Variants in CDH12 observed in about 807,000 individuals in gnomAD.
The protein encoded by CDH12 is cadherin-12.
Under a neutral mutation model 74.1 loss-of-function variants are expected in CDH12, and 41 were observed. The ratio of observed to expected loss-of-function variants is 0.55; its 90% CI spans 0.43 to 0.72. The LOEUF is 0.72. Ranked by LOEUF, CDH12 falls within the 30% of genes least tolerant of loss-of-function variation. The pLI, the probability that CDH12 is intolerant of heterozygous loss-of-function variation, is 0.00. For missense variants in CDH12, 945 were observed against 977.2 expected (o/e 0.97, Z 0.44); for synonymous variants, 399 against 355.0 (o/e 1.12, Z -1.39).
chr5:22,417,072 A>G (rs1037256147), intron 2 of CDH12, among the ~76,000 whole-genome samples: 1 of 152,150 alleles, frequency 6.6e-6, no homozygotes, highest in Admixed American at 6.5e-5. Flanking sequence ...TGATTCTTTT[A>G]TCTCTCTTAT....
intron 3 of CDH12, among the ~76,000 whole-genome samples, chr5:22,282,229 T>C (rs1580478253): frequency 6.6e-6 from 1 of 152,076 alleles, no homozygotes; most frequent in Admixed American, 6.6e-5. Flanking sequence ...TTAAACCTTA[T>C]AAAAATATTA....
chr5:22,053,093 C>A (rs1392413905), intron 5 of CDH12, among the ~76,000 whole-genome samples: 1 of 147,880 alleles, frequency 6.8e-6, no homozygotes, highest in Non-Finnish European at 1.5e-5. Flanking sequence ...TTAAATCATT[C>A]CAGATAAATG....
At chr5:22,111,962 G>A (rs1240873908) in intron 4 of CDH12, among the ~76,000 whole-genome samples, 1 of 151,920 alleles carries the variant, frequency 6.6e-6, no homozygotes, top group Non-Finnish European at 1.5e-5. Context: ...TAAAAATAAT[G>A]TAATATTACT....
intron 1 of CDH12, among the ~76,000 whole-genome samples, chr5:22,784,410 C>T (rs1390041071): frequency 6.6e-6 from 1 of 152,086 alleles, no homozygotes; most frequent in African/African-American, 2.4e-5. Context: ...TTTCACCTTC[C>T]CCTTAACTTT....
At chr5:22,429,365 C>T (rs944183535) in intron 2 of CDH12, among the ~76,000 whole-genome samples, 2 of 151,896 alleles carry the variant, frequency 1.3e-5, no homozygotes, top group Non-Finnish European at 2.9e-5. Flanking sequence ...TCTTGAATTC[C>T]TGGATTCAGG....
chr5:22,583,769 T>A (rs1488790810), intron 1 of CDH12, among the ~76,000 whole-genome samples: 2 of 152,174 alleles, frequency 1.3e-5, no homozygotes, highest in Non-Finnish European at 2.9e-5. Context: ...TTCCTAAAAC[T>A]TTTCACAGGC....
intron 3 of CDH12, among the ~76,000 whole-genome samples, chr5:22,393,869 G>A (rs1009056078): frequency 1.1e-4 from 17 of 152,138 alleles, no homozygotes; most frequent in African/African-American, 3.9e-4. Context: ...AAACTTGGCT[G>A]AATTGTGTTT....
intron 1 of CDH12, among the ~76,000 whole-genome samples, chr5:22,533,798 TTTAAAA>T (rs1209264117): frequency 6.6e-6 from 1 of 152,170 alleles, no homozygotes; most frequent in Non-Finnish European, 1.5e-5. Flanking sequence ...AAATGAAAGC[TTTAAAA>T]TTAAATTTAG....
At chr5:22,513,685 C>A (rs572855797) in intron 1 of CDH12, among the ~76,000 whole-genome samples, 1 of 151,996 alleles carries the variant, frequency 6.6e-6, no homozygotes, top group Admixed American at 6.6e-5. Flanking sequence ...TGGTGGCTCA[C>A]GCCTGTAATC....
At chr5:22,481,415 A>G (rs961172439) in intron 2 of CDH12, among the ~76,000 whole-genome samples, 2 of 152,254 alleles carry the variant, frequency 1.3e-5, no homozygotes, top group Admixed American at 6.5e-5. Context: ...TCATGGCAGC[A>G]TAAGACATAA....
chr5:22,769,262 T>G (rs1023881417), intron 1 of CDH12, among the ~76,000 whole-genome samples: 1 of 152,162 alleles, frequency 6.6e-6, no homozygotes, highest in Non-Finnish European at 1.5e-5. Flanking sequence ...TCCAATCAGC[T>G]GCCAGCGCGG....
chr5:22,153,211 A>G (rs191914027), intron 4 of CDH12, among the ~76,000 whole-genome samples: 3 of 142,646 alleles, frequency 2.1e-5, no homozygotes, highest in African/African-American at 7.8e-5. Flanking sequence ...AAACCTCCAT[A>G]CTGTTTTCCA....
chr5:22,025,882 G>C (rs139092510), intron 5 of CDH12, among the ~76,000 whole-genome samples: 2 of 152,184 alleles, frequency 1.3e-5, no homozygotes, highest in African/African-American at 4.8e-5. Flanking sequence ...ATTCATTAAA[G>C]TTTAATCATG....
intron 6 of CDH12, chr5:21,889,471 C>A: frequency 1.9e-6 from 1 of 514,786 alleles, no homozygotes; most frequent in Non-Finnish European, 2.5e-6. Flanking sequence ...GAGAAACAGA[C>A]ATTGCCTTTG....
intron 7 of CDH12, among the ~76,000 whole-genome samples, chr5:21,852,105 A>C (rs2149997908): frequency 6.6e-6 from 1 of 151,440 alleles, no homozygotes; most frequent in Admixed American, 6.6e-5. Context: ...TTGATTTTTG[A>C]TTTACTCTTA....
At chr5:22,471,829 T>G (rs549023176) in intron 2 of CDH12, among the ~76,000 whole-genome samples, 1 of 152,328 alleles carries the variant, frequency 6.6e-6, no homozygotes, top group African/African-American at 2.4e-5. Flanking sequence ...ACTTTGTAGA[T>G]TATTTTACTC....
At chr5:21,929,927 A>C (rs1754759126) in intron 6 of CDH12, among the ~76,000 whole-genome samples, 1 of 152,212 alleles carries the variant, frequency 6.6e-6, no homozygotes, top group African/African-American at 2.4e-5. Context: ...ATAATCCCAC[A>C]GCCCAAAATG....
intron 4 of CDH12, among the ~76,000 whole-genome samples, chr5:22,122,360 G>A (rs1019902991): frequency 2.0e-5 from 3 of 152,138 alleles, no homozygotes; most frequent in Non-Finnish European, 4.4e-5. Context: ...CTGAAATCGT[G>A]CTGCTGCACT....
intron 4 of CDH12, among the ~76,000 whole-genome samples, chr5:22,186,284 G>A (rs1749942635): frequency 6.6e-6 from 1 of 152,084 alleles, no homozygotes; most frequent in Admixed American, 6.5e-5. Context: ...CAAAAGAAAT[G>A]TAATAATACC....
Sources: allele counts gnomAD v4.1 joint callset (sites outside exome capture counted in the v4.1 genomes callset), GRCh38; gene constraint gnomAD v4.1.1; transcripts MANE v1.5; gene names NCBI Gene and HGNC (gene_info 2026-07-23, HGNC 2026-07-21).